HNRNPA3: variants seen among roughly 807,000 people sequenced by gnomAD.
The protein encoded by HNRNPA3 is heterogeneous nuclear ribonucleoprotein A3.
HNRNPA3 carries 3 observed loss-of-function variants against 45.8 expected under a neutral mutation model. The observed-to-expected ratio is 0.07, with a 90% CI of 0.03 to 0.17. The LOEUF (loss-of-function observed/expected upper bound fraction) is 0.17. Among genes scored for constraint, HNRNPA3 ranks in the 10% least tolerant of loss-of-function variants. The pLI, the probability that HNRNPA3 is intolerant of heterozygous loss-of-function variation, is 1.00. For synonymous variants in HNRNPA3, 170 were observed against 155.6 expected (o/e 1.09, Z -0.69); for missense variants, 183 against 480.3 (o/e 0.38, Z 5.79).
intron 7 of HNRNPA3, among the ~76,000 whole-genome samples, chr2:177,217,341 G>A (rs950953128): frequency 2.0e-5 from 3 of 152,162 alleles, no homozygotes; most frequent in Admixed American, 6.5e-5. Context: ...TGGCTTATTT[G>A]CCAGTGGCTT....
At chr2:177,215,414 G>A (rs1027586941) in intron 1 of HNRNPA3, 125 bp from the exon 2 acceptor site, 1 of 1,023,568 alleles carries the variant, frequency 9.8e-7, no homozygotes, top group Non-Finnish European at 1.5e-6. Context: ...GTTTTAACTG[G>A]ACAAAGTGTT....
chr2:177,223,925 T>C (rs1480674719), downstream of HNRNPA3: 2 of 152,212 alleles, frequency 1.3e-5, no homozygotes, highest in Non-Finnish European at 2.9e-5. Context: ...TTGACTTATT[T>C]TACCAGTAAG....
At chr2:177,213,470 C>T (rs553771950) in intron 1 of HNRNPA3, among the ~76,000 whole-genome samples, 185 of 152,326 alleles carry the variant, frequency 1.2e-3, no homozygotes, top group Non-Finnish European at 2.1e-3. Flanking sequence ...TTTTACGGGT[C>T]CTCTCCGCGA....
At chr2:177,213,443 C>G (rs541130588) in intron 1 of HNRNPA3, among the ~76,000 whole-genome samples, 3 of 152,332 alleles carry the variant, frequency 2.0e-5, no homozygotes, top group African/African-American at 7.2e-5. Flanking sequence ...GAAGTTCTGC[C>G]GACGCTTTTC....
chr2:177,217,596 G>A, intron 7 of HNRNPA3, 109 bp from the exon 8 acceptor site: 2 of 1,358,878 alleles, frequency 1.5e-6, no homozygotes, highest in South Asian at 2.4e-5. Context: ...CACTGTACTT[G>A]AGCCCGGGCA....
chr2:177,218,308 C>T (rs1444971149), intron 8 of HNRNPA3, among the ~76,000 whole-genome samples: 3 of 152,022 alleles, frequency 2.0e-5, no homozygotes, highest in East Asian at 1.9e-4. Context: ...GTGATCTGCC[C>T]GCTTCTGCCT....
At chr2:177,221,355 ATAAAGTT>A (rs550820387), downstream of HNRNPA3, 6 of 152,576 alleles carry the variant, frequency 3.9e-5, no homozygotes, top group Admixed American at 2.0e-4. Flanking sequence ...ATTCATATAA[ATAAAGTT>A]TAAAGGAATG....
exon 8 of HNRNPA3, chr2:177,217,772 T>C: frequency 6.2e-7 from 1 of 1,613,312 alleles, no homozygotes; most frequent in Non-Finnish European, 8.5e-7. Context: ...GACCAGGATA[T>C]GGAAACCAAG....
intron 1 of HNRNPA3, among the ~76,000 whole-genome samples, chr2:177,215,237 G>T (rs1184024188): frequency 6.6e-6 from 1 of 152,112 alleles, no homozygotes; most frequent in African/African-American, 2.4e-5. Flanking sequence ...TGGGATTACA[G>T]ACGCCCGCCA....
intron 7 of HNRNPA3, 104 bp from the exon 8 acceptor site, chr2:177,217,601 C>G: frequency 2.1e-6 from 3 of 1,415,778 alleles, no homozygotes; most frequent in East Asian, 2.3e-5. Flanking sequence ...TACTTGAGCC[C>G]GGGCAACAGA....
downstream of HNRNPA3, chr2:177,222,193 A>G (rs889204861): frequency 6.6e-6 from 1 of 152,590 alleles, no homozygotes; most frequent in African/African-American, 2.4e-5. Context: ...GCAAGTCTAC[A>G]TTACATATTT....
At chr2:177,215,325 C>T (rs979670763) in intron 1 of HNRNPA3, among the ~76,000 whole-genome samples, 19 of 152,130 alleles carry the variant, frequency 1.2e-4, no homozygotes, top group Non-Finnish European at 2.1e-4. Flanking sequence ...GAACTCCTGA[C>T]CTCAGGTAAT....
intron 7 of HNRNPA3, 29 bp downstream of exon 7, chr2:177,216,969 A>G: frequency 3.4e-6 from 5 of 1,456,772 alleles, no homozygotes; most frequent in East Asian, 2.5e-5. Context: ...TTGATGTTTG[A>G]TATTTTAACT....
At chr2:177,223,572 G>A (rs1689281307), downstream of HNRNPA3, 1 of 152,136 alleles carries the variant, frequency 6.6e-6, no homozygotes, top group African/African-American at 2.4e-5. Context: ...ATTGAAATAG[G>A]CTTGGTTTTA....
At chr2:177,214,650 C>T (rs1031472220) in intron 1 of HNRNPA3, among the ~76,000 whole-genome samples, 1 of 152,162 alleles carries the variant, frequency 6.6e-6, no homozygotes, top group East Asian at 1.9e-4. Context: ...AAAAAGTTAG[C>T]TGGGCGCGGT....
intron 1 of HNRNPA3, among the ~76,000 whole-genome samples, chr2:177,214,704 A>G (rs1355883518): frequency 2.0e-5 from 3 of 152,346 alleles, no homozygotes; most frequent in Middle Eastern, 3.4e-3. Flanking sequence ...CTGAGGCAGG[A>G]AAATGGCGTG....
chr2:177,219,649 C>T lies in HNRNPA3; in HGVS notation c.*257C>T, dbSNP rs1307525908. 2.6e-5 allele frequency: 5 copies of T among 191,894 alleles called. No individual in the cohort carries two copies. In the Admixed American group the frequency reaches 2.7e-4, roughly 10 times the overall value. The allele number at this position is 191,894 out of a possible 1,614,324, so 11.9% of individuals were successfully genotyped here. On this transcript the variant is annotated 3_prime_UTR_variant, in exon 11 of 11. Transcript: ENST00000392524. ...TGCAATGTAGTGTCAATTAGATGTA[C>T]ATTCCTGAGGTCTTTTATCTGTTGT...
chr2:177,220,051 T>G (rs1377102401), exon 11 of HNRNPA3: 2 of 152,606 alleles, frequency 1.3e-5, no homozygotes, highest in East Asian at 3.8e-4. Context: ...TTTAGATAAA[T>G]AGGATTGGGT....
chr2:177,216,215 ATG>A, intron 4 of HNRNPA3, 27 bp downstream of exon 4: 1 of 1,416,248 alleles, frequency 7.1e-7, no homozygotes. Context: ...GGTAACTTGA[ATG>A]AGAAAGTAGA....
Sources: allele counts gnomAD v4.1 joint callset (sites outside exome capture counted in the v4.1 genomes callset), GRCh38; gene constraint gnomAD v4.1.1; transcripts MANE v1.5; gene names NCBI Gene and HGNC (gene_info 2026-07-23, HGNC 2026-07-21).